The following OR2Z1 variants were observed in gnomAD, a reference collection of about 807,000 sequenced individuals.
OR2Z1 encodes the protein olfactory receptor 2Z1.
For missense variants in OR2Z1, 449 were observed against 401.8 expected (o/e 1.12, Z -1.00); for synonymous variants, 188 against 160.6 (o/e 1.17, Z -1.29).
intron 1 of OR2Z1, among the ~76,000 whole-genome samples, chr19:8,722,611 T>A (rs2043311718): frequency 6.6e-6 from 1 of 152,152 alleles, no homozygotes; most frequent in Non-Finnish European, 1.5e-5. Context: ...CAGCCCAGAT[T>A]AGAGTAAGTC....
At position 8,723,120 on chromosome 19, in the gene OR2Z1, G is replaced by A. The variant is rs2043313748; in HGVS notation, c.-200G>A. 2 of 152,134 alleles carry A rather than the reference G, an allele frequency of 1.3e-5. No individual in the cohort carries two copies. The highest frequency in any genetic ancestry group is 2.9e-5 in the Non-Finnish European group (2 of 68,042). 9.4% of individuals were successfully genotyped at this position (152,134 alleles called of 1,614,324 possible). The stretch of plus-strand genomic sequence containing the variant: ...ATTTTTTTCAGATGCATCAAAGACA[G>A]TGGGACCACCTGGGCACCCTGAAAG... On this transcript the variant is annotated 5_prime_UTR_variant, in exon 2 of 3. It adds an upstream start codon to the 5' untranslated region. Transcript: ENST00000641125.
chr19:8,730,849 T>A lies in OR2Z1; in HGVS notation c.-169-11T>A, dbSNP rs1379459930. The stretch of plus-strand genomic sequence containing the variant: ...GGATAGACACTAACTGATTAAGTTT[T>A]CTCCCTCCAGCCTACTGATTCTAGC... On this transcript the variant is annotated splice_polypyrimidine_tract_variant and intron_variant, in intron 2 of 2. Coordinates refer to ENST00000641125, the MANE Select transcript of OR2Z1 (RefSeq NM_001004699.3). 3 of 608,376 alleles carry A rather than the reference T, an allele frequency of 4.9e-6. No individual in the cohort carries two copies. The highest frequency in any genetic ancestry group is 8.7e-6 in the Non-Finnish European group (3 of 344,170). 37.7% of individuals were successfully genotyped at this position (608,376 alleles called of 1,614,324 possible). A position where few individuals can be genotyped will look rare whatever the true frequency, so the allele number is the denominator to read the frequency against.
chr19:8,729,806 T>C (rs1399282341), intron 2 of OR2Z1, among the ~76,000 whole-genome samples: 1 of 152,134 alleles, frequency 6.6e-6, no homozygotes, highest in Non-Finnish European at 1.5e-5. Context: ...GTCAGGCTGG[T>C]CTCGAACTCC....
chr19:8,729,144 C>G lies in OR2Z1; in HGVS notation c.-169-1716C>G. 5.6e-6 allele frequency: 7 copies of G among 1,253,698 alleles called. 1 individual carries two copies. In the South Asian group the frequency reaches 6.0e-5, roughly 11 times the overall value. 77.7% of individuals were successfully genotyped at this position (1,253,698 alleles called of 1,614,324 possible). ...AACACTGCCTTCTTGGCCTTTAAAG[C>G]CTTCACTTTGGCTTCGGCTTTAGGA... On this transcript the variant is annotated intron_variant, in intron 2 of 2. Transcript: ENST00000641125.
At chr19:8,723,403 G>A (rs2043314549) in intron 2 of OR2Z1, among the ~76,000 whole-genome samples, 1 of 151,930 alleles carries the variant, frequency 6.6e-6, no homozygotes, top group African/African-American at 2.4e-5. Context: ...CATCCCCTGG[G>A]TACCCAAATC....
At chr19:8,723,505 A>G (rs1555755853) in intron 2 of OR2Z1, among the ~76,000 whole-genome samples, 1 of 152,090 alleles carries the variant, frequency 6.6e-6, no homozygotes, top group African/African-American at 2.4e-5. Context: ...TAAATTCTAT[A>G]ACTGCAGGGC....
chr19:8,729,548 C>A (rs1555756508), intron 2 of OR2Z1, among the ~76,000 whole-genome samples: 1 of 151,310 alleles, frequency 6.6e-6, no homozygotes, highest in Non-Finnish European at 1.5e-5. Context: ...GTAGCTGAGA[C>A]TACAGGCAGT....
intron 2 of OR2Z1, chr19:8,729,073 T>C: frequency 8.6e-7 from 1 of 1,156,720 alleles, no homozygotes. Context: ...TGCTGGAAGG[T>C]GGGTGACATG....
chr19:8,731,578 C>G lies in OR2Z1; in HGVS notation c.550C>G (p.Leu184Val), dbSNP rs1555756786. The G allele has an allele frequency of 6.2e-7, 1 of 1,613,954 alleles. No homozygotes were observed. Among genetic ancestry groups the G allele is most frequent in the Non-Finnish European group, 8.5e-7 (1 of 1,180,038 alleles). The change falls in exon 3 of 3, where the codon CTA (leucine) becomes GTA (valine). Residue 184 changes from leucine to valine, a missense_variant. Leu to Val is a conservative substitution (Grantham distance 32). Coordinates refer to ENST00000641125, the MANE Select transcript of OR2Z1 (RefSeq NM_001004699.3). ...TCACTTCTTCTGTGAGGTGCCAGCC[C>G]TACTGAAGCTCTCCTGTGCAGATAC... Reference protein sequence around the residue: ...VDHFFCEVPALLKLSCADTCA... With the variant: ...VDHFFCEVPAVLKLSCADTCA...
Position 8,731,972 on chromosome 19 carries a change from G to A in OR2Z1, c.944G>A (p.Ter315=). 1 of 1,608,132 alleles carries A rather than the reference G, an allele frequency of 6.2e-7. No individual in the cohort carries two copies. The highest frequency in any genetic ancestry group is 8.5e-7 in the Non-Finnish European group (1 of 1,175,836). Residue 315 remains the stop codon, a stop_retained_variant, in exon 3 of 3, where the codon TGA becomes TAA. Coordinates refer to ENST00000641125, the MANE Select transcript of OR2Z1 (RefSeq NM_001004699.3). ...AGAGCTGGACTCAGGCAAATGTGCT[G>A]ACTACATAGAAACTGCTGGTGAGAT... ...LSRAGLRQMC[*] is the part of the protein sequence containing the mutation.
At position 8,722,588 on chromosome 19, in the gene OR2Z1, C is replaced by G. The variant is rs78402639; in HGVS notation, c.-214-518C>G. On this transcript the variant is annotated intron_variant, in intron 1 of 2. Coordinates refer to ENST00000641125, the MANE Select transcript of OR2Z1 (RefSeq NM_001004699.3). ...CAAAGAAGGACTGATTTAGGAATCA[C>G]TGTGAGATGTTCCAGCCCAGATTAG... Among the ~76,000 whole-genome samples, 194 of 152,308 alleles carry G rather than the reference C, an allele frequency of 1.3e-3. 4 individuals carry two copies. The East Asian group carries it at 0.034, about 27-fold the overall frequency.
chr19:8,722,792 A>G lies in OR2Z1; in HGVS notation c.-214-314A>G, dbSNP rs111878475. Among the ~76,000 whole-genome samples the G allele has an allele frequency of 1.7e-3, 265 of 152,196 alleles. 1 individual carries two copies. The highest frequency in any genetic ancestry group is 5.7e-3 in the African/African-American group (236 of 41,520). On this transcript the variant is annotated intron_variant, in intron 1 of 2. Transcript: ENST00000641125. ...CCAAGATGGGGAGGTATTATTTAAA[A>G]CTGGGATTAAGGGACCAGCCTGGGA...
At chr19:8,729,789 C>T (rs1599209672) in intron 2 of OR2Z1, among the ~76,000 whole-genome samples, 2 of 152,184 alleles carry the variant, frequency 1.3e-5, no homozygotes, top group Non-Finnish European at 1.5e-5. Flanking sequence ...GGGGTTTCTC[C>T]ATGTTGGTCA....
chr19:8,724,331 G>A (rs1555755960), intron 2 of OR2Z1, among the ~76,000 whole-genome samples: 1 of 151,982 alleles, frequency 6.6e-6, no homozygotes, highest in Admixed American at 6.6e-5. Flanking sequence ...CACCTCCTGG[G>A]CTCAAGTGAG....
chr19:8,730,041 C>T (rs927029928), intron 2 of OR2Z1, among the ~76,000 whole-genome samples: 11 of 152,082 alleles, frequency 7.2e-5, no homozygotes, highest in Non-Finnish European at 1.3e-4. Context: ...GCATAGCAAT[C>T]CATGGTGTCT....
At chr19:8,729,634 A>G (rs1448034292) in intron 2 of OR2Z1, among the ~76,000 whole-genome samples, 1 of 151,426 alleles carries the variant, frequency 6.6e-6, no homozygotes, top group Non-Finnish European at 1.5e-5. Flanking sequence ...CTTGTTGCCC[A>G]GGCCAGAGTG....
intron 2 of OR2Z1, among the ~76,000 whole-genome samples, chr19:8,726,528 A>T (rs1416230823): frequency 1.2e-4 from 18 of 152,212 alleles, no homozygotes; most frequent in Non-Finnish European, 1.5e-5. Flanking sequence ...CCTACAGGGC[A>T]TCCTGACCAC....
chr19:8,726,361 A>G (rs2043327539), intron 2 of OR2Z1, among the ~76,000 whole-genome samples: 1 of 152,172 alleles, frequency 6.6e-6, no homozygotes, highest in South Asian at 2.1e-4. Flanking sequence ...AGCCACCTCC[A>G]TGATCCAATC....
intron 2 of OR2Z1, chr19:8,729,012 G>T (rs1367608160): frequency 4.9e-5 from 40 of 812,100 alleles, no homozygotes; most frequent in South Asian, 1.2e-4. Flanking sequence ...TCTCCTGGGG[G>T]TGCTCTTTCG....
Sources: gnomAD v4.1 joint callset for allele counts (sites outside exome capture counted in the v4.1 genomes callset) on GRCh38, gnomAD v4.1.1 for gene constraint, MANE v1.5 for transcripts, NCBI Gene and HGNC (gene_info 2026-07-23, HGNC 2026-07-21) for gene names.